CR1: variants seen among roughly 807,000 people sequenced by gnomAD.
The protein encoded by CR1 is complement C3b/C4b receptor 1 (Knops blood group), also known as complement receptor type 1.
CR1 carries 116 observed loss-of-function variants against 187.3 expected under a neutral mutation model. The ratio of observed to expected loss-of-function variants is 0.62; its 90% confidence interval spans 0.53 to 0.72. The LOEUF is 0.72. Among genes scored for constraint, CR1 ranks in the 30% least tolerant of loss-of-function variants. The pLI is 0.00. For missense variants in CR1, 1,731 were observed against 2,110.7 expected (o/e 0.82, Z 3.52); for synonymous variants, 576 against 747.1 (o/e 0.77, Z 3.73).
At chr1:207,595,657 C>T (rs916365810) in intron 35 of CR1, among the ~76,000 whole-genome samples, 1 of 151,682 alleles carries the variant, frequency 6.6e-6, no homozygotes. Context: ...GAACCCCAAA[C>T]ATACACCAGT....
intron 35 of CR1, among the ~76,000 whole-genome samples, chr1:207,602,221 T>G (rs2102374268): frequency 6.6e-6 from 1 of 152,260 alleles, no homozygotes; most frequent in Non-Finnish European, 1.5e-5. Flanking sequence ...GTAACTCTTT[T>G]TTAACTTCAA....
chr1:207,588,102 A>G (rs1672205270), intron 34 of CR1, among the ~76,000 whole-genome samples: 1 of 152,206 alleles, frequency 6.6e-6, no homozygotes, highest in Non-Finnish European at 1.5e-5. Context: ...TGGCGGAATG[A>G]GAGTACAACA....
rs1328356685 is a variant in CR1, at chr1:207,523,787, G to T, written c.664G>T (p.Val222Leu). 4 of 1,611,940 alleles carry T rather than the reference G, an allele frequency of 2.5e-6. No individual in the cohort carries two copies. The South Asian group carries it at 4.4e-5, about 18-fold the overall frequency. Residue 222 changes from valine (V) to leucine (L), a missense_variant, in exon 5 of 47, where the codon GTG (valine) becomes TTG (leucine). By Grantham distance (32) the Val-to-Leu change is conservative (BLOSUM62 1). Coordinates refer to ENST00000367049, the MANE Select transcript of CR1 (RefSeq NM_000651.6). Reference sequence around the variant, plus strand: ...ATACTGCACCAGCAATGACGATCAAGTGGGCATCTGGAGCGGCCCCGCCCC... The same window carrying T: ...ATACTGCACCAGCAATGACGATCAATTGGGCATCTGGAGCGGCCCCGCCCC... ...SIYCTSNDDQVGIWSGPAPQC... is the reference protein window; with the variant it reads ...SIYCTSNDDQLGIWSGPAPQC...
In CR1 at chr1:207,639,541, C is replaced by G; in HGVS notation, c.*132C>G. 1 of 805,034 alleles carries G rather than the reference C, an allele frequency of 1.2e-6. No individual in the cohort carries two copies. The highest frequency in any genetic ancestry group is 2.0e-6 in the Non-Finnish European group (1 of 499,310). The allele number at this position is 805,034 out of a possible 1,614,324, so 49.9% of individuals were successfully genotyped here. ...CTTCACAGAGACGCAGACATGTGCA[C>G]TTGAAGATGCTGCCCCTTCCCTGGT... is the stretch of plus-strand genomic sequence containing the variant. On this transcript the variant is annotated 3_prime_UTR_variant, in exon 47 of 47. Transcript: ENST00000367049.
At chr1:207,610,326 T>A (rs1022054905) in intron 37 of CR1, among the ~76,000 whole-genome samples, 1 of 152,140 alleles carries the variant, frequency 6.6e-6, no homozygotes, top group Non-Finnish European at 1.5e-5. Context: ...GTTTTTTGAT[T>A]GTTTGTTTGT....
At chr1:207,574,292 A>T (rs1660666987) in intron 27 of CR1, among the ~76,000 whole-genome samples, 1 of 152,224 alleles carries the variant, frequency 6.6e-6, no homozygotes, top group Non-Finnish European at 1.5e-5. Flanking sequence ...CCAGAAATAA[A>T]ATGTGAAAAT....
intron 1 of CR1, among the ~76,000 whole-genome samples, chr1:207,505,505 C>T (rs927584338): frequency 3.3e-5 from 5 of 152,046 alleles, no homozygotes; most frequent in African/African-American, 1.2e-4. Context: ...TTTTTGATCA[C>T]ATCTATGAAG....
chr1:207,597,119 A>C (rs1055077976), intron 35 of CR1, among the ~76,000 whole-genome samples: 1 of 148,334 alleles, frequency 6.7e-6, no homozygotes, highest in Non-Finnish European at 1.5e-5. Context: ...TACAAAATAT[A>C]CTACTATGTA....
Position 207,511,551 on chromosome 1 carries a change from C to T in CR1, c.402-18C>T, listed in dbSNP as rs770956665. The T allele has an allele frequency of 6.2e-7, 1 of 1,609,450 alleles. No homozygotes were observed. Among genetic ancestry groups the T allele is most frequent in the Non-Finnish European group, 8.5e-7 (1 of 1,176,362 alleles). On this transcript the variant is annotated intron_variant, in intron 3 of 46. Coordinates refer to ENST00000367049, the MANE Select transcript of CR1 (RefSeq NM_000651.6). ...CCTGTGTCTTTAGAATGTAACATTC[C>T]TTATTTTTTGCCTCTAGATACCGAC...
chr1:207,586,589 T>C (rs1661118376), intron 33 of CR1, among the ~76,000 whole-genome samples: 1 of 152,242 alleles, frequency 6.6e-6, no homozygotes, highest in Non-Finnish European at 1.5e-5. Context: ...AATTGAGATG[T>C]TGGCAGAGGT....
chr1:207,586,112 T>G, intron 33 of CR1, among the ~76,000 whole-genome samples: 1 of 119,478 alleles, frequency 8.4e-6, no homozygotes, highest in South Asian at 3.3e-4. Context: ...CTGGTTCTTT[T>G]TTTGTTTTGT....
intron 42 of CR1, among the ~76,000 whole-genome samples, chr1:207,618,606 CT>C (rs1388798892): frequency 6.6e-6 from 1 of 152,106 alleles, no homozygotes; most frequent in Non-Finnish European, 1.5e-5. Context: ...AGAAATACCA[CT>C]TTGCCTTCTT....
chr1:207,589,914 G>A (rs1661222136), intron 35 of CR1, among the ~76,000 whole-genome samples: 2 of 152,124 alleles, frequency 1.3e-5, no homozygotes, highest in South Asian at 4.1e-4. Context: ...GACAAAAAAA[G>A]AATGAAAAGG....
At chr1:207,510,883 A>G (rs1470042178) in intron 3 of CR1, among the ~76,000 whole-genome samples, 3 of 147,954 alleles carry the variant, frequency 2.0e-5, no homozygotes, top group Admixed American at 1.4e-4. Flanking sequence ...GTGCAGTGGC[A>G]TGATCAGCAC....
In CR1 at chr1:207,587,518, C is replaced by G; in HGVS notation, c.5663C>G (p.Ser1888Cys). ...TATTTTGGGAAAATGTTCTCTATCT[C>G]CTGCCTAGAAAACTTGGTCTGGTCA... ...PGYFGKMFSI[S>C]CLENLVWSSV... The change falls in exon 34 of 47, where the codon TCC (serine) becomes TGC (cysteine). Residue 1888 changes from serine to cysteine, a missense_variant. Ser to Cys is a moderately radical substitution (Grantham distance 112, BLOSUM62 -1). Coordinates refer to ENST00000367049, the MANE Select transcript of CR1 (RefSeq NM_000651.6). The G allele has an allele frequency of 6.2e-7, 1 of 1,613,948 alleles. No homozygotes were observed. The highest frequency in any genetic ancestry group is 8.5e-7 in the Non-Finnish European group (1 of 1,179,846).
At chr1:207,629,097 T>C (rs1662570810) in intron 45 of CR1, among the ~76,000 whole-genome samples, 1 of 152,204 alleles carries the variant, frequency 6.6e-6, no homozygotes, top group Non-Finnish European at 1.5e-5. Flanking sequence ...AGATAGGTCA[T>C]GCACTCATCA....
intron 35 of CR1, 84 bp downstream of exon 35, chr1:207,588,858 A>C: frequency 1.1e-6 from 1 of 884,956 alleles, no homozygotes; most frequent in Non-Finnish European, 1.8e-6. Context: ...GACAAACTAA[A>C]CTATTGCTCC....
rs754960603 is a variant in CR1 at position 207,618,173 on chromosome 1, A to T, written c.6992A>T (p.Tyr2331Phe). The change falls in exon 42 of 47, where the codon TAC becomes TTC. Residue 2331 changes from tyrosine (Y) to phenylalanine (F), a missense_variant. This residue lies in a region of CR1 where 1,312 missense variants were observed against 1,379.6 expected (regional missense o/e 0.95). Transcript: ENST00000367049. The part of the protein sequence containing the change: ...MTISYICDPG[Y>F]LLVGKGFIFC... Reference sequence around the variant, plus strand: ...ATCAGCTACATTTGTGACCCCGGCTACCTGTTAGTGGGAAAGGGCTTCATT... The same window carrying T: ...ATCAGCTACATTTGTGACCCCGGCTTCCTGTTAGTGGGAAAGGGCTTCATT... The T allele has an allele frequency of 3.7e-6, 6 of 1,613,832 alleles. No homozygotes were observed. Among genetic ancestry groups the T allele is most frequent in the Non-Finnish European group, 5.1e-6 (6 of 1,179,766 alleles).
chr1:207,578,445 G>A (rs1240176401), intron 29 of CR1, among the ~76,000 whole-genome samples: 1 of 152,224 alleles, frequency 6.6e-6, no homozygotes, highest in Non-Finnish European at 1.5e-5. Flanking sequence ...CCTATTATTT[G>A]ATTCTCAGGG....
Sources: allele counts gnomAD v4.1 joint callset (sites outside exome capture counted in the v4.1 genomes callset), GRCh38; gene constraint gnomAD v4.1.1; regional missense constraint gnomAD v4.1.1; transcripts MANE v1.5; gene names NCBI Gene and HGNC (gene_info 2026-07-23, HGNC 2026-07-21).